Variants in CDH12 observed in about 807,000 individuals in gnomAD.
The protein encoded by CDH12 is cadherin-12.
A neutral mutation model predicts 74.1 loss-of-function variants in CDH12; 41 were observed. That is an observed-to-expected ratio of 0.55 (90% CI 0.43 to 0.72). The LOEUF (loss-of-function observed/expected upper bound fraction) is 0.72. Among genes scored for constraint, CDH12 ranks in the 30% least tolerant of loss-of-function variants. The pLI, the probability that CDH12 is intolerant of heterozygous loss-of-function variation, is 0.00. For missense variants in CDH12, 945 were observed against 977.2 expected, an observed-to-expected ratio of 0.97 and a Z score of 0.44; for synonymous variants, 399 against 355.0, an observed-to-expected ratio of 1.12 and a Z score of -1.39.
intron 1 of CDH12, among the ~76,000 whole-genome samples, chr5:22,847,529 T>C (rs540593070): frequency 6.6e-6 from 1 of 152,310 alleles, no homozygotes; most frequent in South Asian, 2.1e-4. Flanking sequence ...ATATTTTCAC[T>C]GTAGAATGGA....
intron 2 of CDH12, among the ~76,000 whole-genome samples, chr5:22,415,761 T>A (rs1214508348): frequency 6.6e-6 from 1 of 152,178 alleles, no homozygotes; most frequent in Admixed American, 6.5e-5. Context: ...GTTTTACTGA[T>A]ACAAAAATTG....
intron 8 of CDH12, among the ~76,000 whole-genome samples, chr5:21,821,311 A>C (rs34717732): frequency 0.6 from 90,317 of 151,434 alleles, 29,369 homozygotes; most frequent in Non-Finnish European, 0.73. Context: ...AAACACCAAA[A>C]TAAATATATT....
At chr5:22,692,963 C>T (rs1742161514) in intron 1 of CDH12, among the ~76,000 whole-genome samples, 1 of 151,746 alleles carries the variant, frequency 6.6e-6, no homozygotes, top group East Asian at 1.9e-4. Flanking sequence ...ACACCAAACA[C>T]TAAATATTAT....
chr5:21,820,298 G>C (rs1040709979), intron 8 of CDH12, among the ~76,000 whole-genome samples: 2 of 151,908 alleles, frequency 1.3e-5, no homozygotes, highest in African/African-American at 4.8e-5. Context: ...AGGGTGTTTT[G>C]TTTTAAGTTG....
At chr5:21,829,611 A>C (rs1404838999) in intron 8 of CDH12, among the ~76,000 whole-genome samples, 4 of 152,168 alleles carry the variant, frequency 2.6e-5, no homozygotes, top group African/African-American at 9.6e-5. Context: ...CCTTGTCTAT[A>C]TAATTTCTAA....
intron 8 of CDH12, among the ~76,000 whole-genome samples, chr5:21,825,666 G>A (rs752061144): frequency 1.3e-5 from 2 of 152,126 alleles, no homozygotes; most frequent in African/African-American, 4.8e-5. Flanking sequence ...CCATCATTGT[G>A]TAGTAAAGTT....
At chr5:22,306,899 G>A (rs192507568) in intron 3 of CDH12, among the ~76,000 whole-genome samples, 1 of 152,036 alleles carries the variant, frequency 6.6e-6, no homozygotes, top group Admixed American at 6.6e-5. Flanking sequence ...AAATTAGGTG[G>A]GAAAATATCA....
intron 2 of CDH12, among the ~76,000 whole-genome samples, chr5:22,461,929 G>T (rs1254317686): frequency 1.3e-5 from 2 of 151,352 alleles, no homozygotes; most frequent in Admixed American, 1.3e-4. Context: ...TTAATGATTG[G>T]GAAAAATCAG....
In CDH12 at chr5:22,481,896, G is replaced by A. The variant is rs370950871; in HGVS notation, c.-428+23374C>T. Among the ~76,000 whole-genome samples the A allele has an allele frequency of 9.2e-5, 14 of 152,216 alleles. No individual in the cohort carries two copies. The South Asian group carries it at 1.2e-3, about 14-fold the overall frequency. Reference sequence around the variant, plus strand: ...CTTGCACTTAAGAAAAAAACAAAACGAGGGGGTATGAGGAAACTTTTAGAG... The same window carrying A: ...CTTGCACTTAAGAAAAAAACAAAACAAGGGGGTATGAGGAAACTTTTAGAG... On this transcript the variant is annotated intron_variant, in intron 2 of 14. Transcript: ENST00000382254.
intron 1 of CDH12, among the ~76,000 whole-genome samples, chr5:22,703,563 A>T (rs530709670): frequency 2.3e-4 from 35 of 152,306 alleles, no homozygotes; most frequent in Admixed American, 5.2e-4. Context: ...ATTATAAAAC[A>T]AGATGTCATA....
intron 6 of CDH12, among the ~76,000 whole-genome samples, chr5:21,893,158 C>G (rs1752968785): frequency 6.6e-6 from 1 of 152,100 alleles, no homozygotes; most frequent in Non-Finnish European, 1.5e-5. Flanking sequence ...CTGTAAACGA[C>G]TTAGAAGAGT....
chr5:22,189,564 G>A (rs551288963), intron 4 of CDH12, among the ~76,000 whole-genome samples: 127 of 151,688 alleles, frequency 8.4e-4, no homozygotes, highest in Non-Finnish European at 1.2e-3. Flanking sequence ...GTAGATATTC[G>A]ATCTGTACAA....
At chr5:22,494,888 G>A (rs545185267) in intron 2 of CDH12, among the ~76,000 whole-genome samples, 2 of 152,230 alleles carry the variant, frequency 1.3e-5, no homozygotes, top group African/African-American at 4.8e-5. Context: ...GTGATACCCC[G>A]GATACATTCA....
In CDH12 at chr5:22,606,735, G is replaced by A. The variant is rs577883517; in HGVS notation, c.-522-101371C>T. ...GACTAATACATTAAATTGGTACCAGGAGAGTGGGGCACTGCTATAAAGATA... is the reference window on the plus strand; with the variant it reads ...GACTAATACATTAAATTGGTACCAGAAGAGTGGGGCACTGCTATAAAGATA... On this transcript the variant is annotated intron_variant, in intron 1 of 14. Transcript: ENST00000382254. Among the ~76,000 whole-genome samples the A allele has an allele frequency of 1.1e-4, 17 of 152,240 alleles. No homozygotes were observed. In the South Asian group the frequency reaches 3.5e-3, roughly 32 times the overall value.
chr5:21,784,976 G>A (rs1324624047), intron 10 of CDH12, among the ~76,000 whole-genome samples: 1 of 152,036 alleles, frequency 6.6e-6, no homozygotes, highest in Admixed American at 6.6e-5. Context: ...CTGAAAGTTT[G>A]TTGCAACCCT....
At chr5:22,579,933 T>C (rs1481205804) in intron 1 of CDH12, among the ~76,000 whole-genome samples, 3 of 152,160 alleles carry the variant, frequency 2.0e-5, no homozygotes, top group Non-Finnish European at 4.4e-5. Flanking sequence ...CATTGACCTC[T>C]TCCCCAGCTA....
intron 1 of CDH12, among the ~76,000 whole-genome samples, chr5:22,663,886 C>G (rs1360143102): frequency 6.6e-6 from 1 of 151,774 alleles, no homozygotes; most frequent in East Asian, 1.9e-4. Flanking sequence ...CAAATTTTGA[C>G]TTTTTTAACC....
chr5:22,048,049 G>A (rs1740086117), intron 5 of CDH12, among the ~76,000 whole-genome samples: 1 of 152,128 alleles, frequency 6.6e-6, no homozygotes, highest in South Asian at 2.1e-4. Flanking sequence ...TTGTTTGCAG[G>A]GGTAGGGGTG....
At chr5:22,589,815 A>G (rs946867628) in intron 1 of CDH12, among the ~76,000 whole-genome samples, 2 of 152,078 alleles carry the variant, frequency 1.3e-5, no homozygotes, top group East Asian at 3.9e-4. Flanking sequence ...CATAACTTAC[A>G]TCCTAGAGTA....
Sources: gnomAD v4.1 joint callset for allele counts (sites outside exome capture counted in the v4.1 genomes callset) on GRCh38, gnomAD v4.1.1 for gene constraint, MANE v1.5 for transcripts, NCBI Gene and HGNC (gene_info 2026-07-23, HGNC 2026-07-21) for gene names.